Variants in MAP7D3 observed in about 807,000 individuals in gnomAD.
MAP7D3 encodes MAP7 domain containing 3, also known as MAP7 domain-containing protein 3.
In MAP7D3, 45 loss-of-function variants were observed where a neutral mutation model predicts 62.2. The ratio of observed to expected loss-of-function variants is 0.72; its 90% confidence interval spans 0.57 to 0.93. MAP7D3 has a LOEUF of 0.93. Ranked by LOEUF, MAP7D3 falls within the 40% of genes least tolerant of loss-of-function variation. The pLI is 0.00. For synonymous variants in MAP7D3, 288 were observed against 248.8 expected, an observed-to-expected ratio of 1.16 and a Z score of -1.48; for missense variants, 711 against 683.1, an observed-to-expected ratio of 1.04 and a Z score of -0.45.
Position 136,240,235 on chromosome X carries a change from A to C in MAP7D3, c.640+147T>G, listed in dbSNP as rs763490942. The C allele has an allele frequency of 3.6e-5, 15 of 411,521 alleles. No individual in the cohort carries two copies. The South Asian group carries it at 6.0e-4, about 16-fold the overall frequency. 33.9% of individuals were successfully genotyped at this position (411,521 alleles called of 1,213,427 possible). Reference sequence around the variant, plus strand: ...AAAAAAAAAAAAAAAAAGTATGACTATCTCTCTCCCTCTGCTGTAAAATAA... The same window carrying C: ...AAAAAAAAAAAAAAAAAGTATGACTCTCTCTCTCCCTCTGCTGTAAAATAA... On this transcript the variant is annotated intron_variant, in intron 6 of 18. Coordinates refer to ENST00000316077, the MANE Select transcript of MAP7D3 (RefSeq NM_024597.4).
chrX:136,245,112 T>G (rs1234535680), intron 3 of MAP7D3, among the ~76,000 whole-genome samples: 1 of 112,300 alleles, frequency 8.9e-6, no homozygotes, highest in Non-Finnish European at 1.9e-5. Context: ...TGAGCTAAAG[T>G]CAAACCCTAC....
At chrX:136,231,022 C>T in intron 8 of MAP7D3, 56 bp from the exon 9 acceptor site, 1 of 907,799 alleles carries the variant, frequency 1.1e-6, no homozygotes, top group Non-Finnish European at 1.5e-6. Context: ...TTTACTGCAG[C>T]TGGCTTTTTT....
At chrX:136,256,173 C>G (rs1456811516), upstream of MAP7D3, 2 of 1,109,393 alleles carry the variant, frequency 1.8e-6, no homozygotes, top group East Asian at 3.4e-5. Context: ...TGTCCTGCAT[C>G]TGTTGTAGCT....
At chrX:136,255,597 C>T (rs1056243077), upstream of MAP7D3, among the ~76,000 whole-genome samples, 3 of 111,169 alleles carry the variant, frequency 2.7e-5, no homozygotes, top group African/African-American at 6.5e-5. Context: ...CTTGGGGCTA[C>T]AGAAGCTCAC....
chrX:136,233,841 T>C (rs984505084), intron 7 of MAP7D3, among the ~76,000 whole-genome samples: 1 of 111,122 alleles, frequency 9.0e-6, no homozygotes, highest in Admixed American at 9.7e-5. Context: ...CATATCTACA[T>C]GTGCCTAAAC....
upstream of MAP7D3, among the ~76,000 whole-genome samples, chrX:136,255,841 C>T (rs890274387): frequency 4.5e-5 from 5 of 111,463 alleles, no homozygotes; most frequent in Non-Finnish European, 9.4e-5. Flanking sequence ...GCTATTTTTT[C>T]CCCTTAAACC....
At chrX:136,233,435 C>T (rs1440084040) in intron 7 of MAP7D3, among the ~76,000 whole-genome samples, 2 of 107,192 alleles carry the variant, frequency 1.9e-5, no homozygotes, top group South Asian at 4.2e-4. Flanking sequence ...CCACCACACC[C>T]GGAAAATTTT....
chrX:136,217,682 C>T lies in MAP7D3; in HGVS notation c.*844G>A, dbSNP rs183668548. 14 of 111,819 alleles carry T rather than the reference C, an allele frequency of 1.3e-4. No homozygotes were observed. The highest frequency in any genetic ancestry group is 3.9e-4 in the African/African-American group (12 of 30,852). The allele number at this position is 111,819 out of a possible 1,213,427, so 9.2% of individuals were successfully genotyped here. On this transcript the variant is annotated 3_prime_UTR_variant, in exon 19 of 19. Coordinates refer to ENST00000316077, the MANE Select transcript of MAP7D3 (RefSeq NM_024597.4). ...ACAGCTCTTGTGAGCGATCCTGCGG[C>T]CCTTGCATAATCTATTCTGTTCTCT...
At chrX:136,213,825 CAT>C (rs1249301035), downstream of MAP7D3, 1 of 112,293 alleles carries the variant, frequency 8.9e-6, no homozygotes, top group Non-Finnish European at 1.9e-5. Flanking sequence ...ACCCACACCT[CAT>C]AGAGTTGTTG....
At chrX:136,246,427 G>T in intron 1 of MAP7D3, 86 bp from the exon 2 acceptor site, 1 of 568,504 alleles carries the variant, frequency 1.8e-6, no homozygotes, top group Non-Finnish European at 2.9e-6. Flanking sequence ...AATTGTATTT[G>T]ATGATAAAGG....
At chrX:136,248,791 AT>A (rs1030212180) in intron 1 of MAP7D3, among the ~76,000 whole-genome samples, 19 of 111,977 alleles carry the variant, frequency 1.7e-4, no homozygotes, top group African/African-American at 5.8e-4. Context: ...ATTTTCCCCA[AT>A]TTTTTTTATA....
intron 1 of MAP7D3, 138 bp downstream of exon 1, chrX:136,251,151 G>A (rs2074504044): frequency 8.6e-6 from 4 of 466,445 alleles, no homozygotes; most frequent in African/African-American, 7.7e-5. Context: ...GGGGGTGAGG[G>A]GAGGACCAGA....
At position 136,244,703 on chromosome X, in the gene MAP7D3, G is replaced by A. The variant is rs1442001523; in HGVS notation, c.346C>T (p.Arg116Ter). 4.2e-6 allele frequency: 5 copies of A among 1,203,808 alleles called. No individual in the cohort carries two copies. Among genetic ancestry groups the A allele is most frequent in the South Asian group, 1.8e-5 (1 of 56,478 alleles). ...MEERQRKLKE[R>*]KEKEEQRRIA... ...CTCCGTTGTTCTTCTTTCTCTTTTC[G>A]CTCCTTCAGCTTTCTCTGTCTTTCC... is the stretch of plus-strand genomic sequence containing the variant. The change falls in exon 4 of 19, where the codon CGA (arginine) becomes TGA (stop). Residue 116 changes from arginine (R) to a stop codon, truncating the protein, a stop_gained. Coordinates refer to ENST00000316077, the MANE Select transcript of MAP7D3 (RefSeq NM_024597.4). LOFTEE classifies it high-confidence loss of function.
At chrX:136,235,428 A>C (rs777227705) in intron 7 of MAP7D3, among the ~76,000 whole-genome samples, 2 of 111,955 alleles carry the variant, frequency 1.8e-5, no homozygotes, top group Non-Finnish European at 3.8e-5. Context: ...ACGTGAAAGG[A>C]AAATGCTAGG....
upstream of MAP7D3, among the ~76,000 whole-genome samples, chrX:136,252,784 G>A (rs1048289761): frequency 9.3e-6 from 1 of 107,974 alleles, no homozygotes; most frequent in East Asian, 3.0e-4. Flanking sequence ...AAGTGTTTGC[G>A]ATGATGTAGA....
chrX:136,222,534 C>T lies in MAP7D3; in HGVS notation c.2194-48G>A, dbSNP rs748242324. 3.0e-6 allele frequency: 3 copies of T among 1,015,819 alleles called. No homozygotes were observed. The East Asian group carries it at 9.1e-5, about 31-fold the overall frequency. The allele number at this position is 1,015,819 out of a possible 1,213,427, so 83.7% of individuals were successfully genotyped here. A position where few individuals can be genotyped will look rare whatever the true frequency, so the allele number is the denominator to read the frequency against. On this transcript the variant is annotated intron_variant, in intron 14 of 18. Transcript: ENST00000316077. ...TGATTATGCCTAATATTCAATCATCCTGGTTTAGAATTTCAACAAAGTCTG... is the reference window on the plus strand; with the variant it reads ...TGATTATGCCTAATATTCAATCATCTTGGTTTAGAATTTCAACAAAGTCTG...
chrX:136,224,554 CAAAAAAG>C (rs1179647357), intron 14 of MAP7D3, among the ~76,000 whole-genome samples: 22 of 107,897 alleles, frequency 2.0e-4, no homozygotes, highest in African/African-American at 6.7e-4. Context: ...AACACATAAC[CAAAAAAG>C]AAGCAGTATC....
chrX:136,242,437 T>G (rs902630369), intron 4 of MAP7D3, among the ~76,000 whole-genome samples: 1 of 109,997 alleles, frequency 9.1e-6, no homozygotes, highest in Non-Finnish European at 1.9e-5. Context: ...CACTCATCCC[T>G]CCTCAGCACC....
chrX:136,228,558 T>C (rs756896947), intron 11 of MAP7D3, 65 bp downstream of exon 11: 238 of 1,080,214 alleles, frequency 2.2e-4, no homozygotes, highest in African/African-American at 2.1e-3. Flanking sequence ...GGGTAAAATT[T>C]TGACTTTCAA....
Sources: gnomAD v4.1 joint callset for allele counts (sites outside exome capture counted in the v4.1 genomes callset) on GRCh38, gnomAD v4.1.1 for gene constraint, MANE v1.5 for transcripts, NCBI Gene and HGNC (gene_info 2026-07-23, HGNC 2026-07-21) for gene names.